STK17A: variants seen among roughly 807,000 people sequenced by gnomAD.
The protein encoded by STK17A is serine/threonine kinase 17a.
Under a neutral mutation model 43.7 loss-of-function variants are expected in STK17A, and 26 were observed. The ratio of observed to expected loss-of-function variants is 0.60; its 90% confidence interval spans 0.44 to 0.83. STK17A has a LOEUF of 0.83. STK17A is among the 40% of genes least tolerant of loss of function. The pLI is 0.00. For synonymous variants in STK17A, 191 were observed against 182.5 expected, an observed-to-expected ratio of 1.05 and a Z score of -0.38; for missense variants, 476 against 511.6, an observed-to-expected ratio of 0.93 and a Z score of 0.67.
intron 1 of STK17A, among the ~76,000 whole-genome samples, chr7:43,595,125 C>T (rs2082505994): frequency 6.6e-6 from 1 of 152,094 alleles, no homozygotes; most frequent in South Asian, 2.1e-4. Flanking sequence ...AAATACATTT[C>T]TAGCTGACGC....
In STK17A at chr7:43,595,905, A is replaced by G; in HGVS notation, c.211A>G (p.Lys71Glu). The change falls in exon 2 of 7, where the codon AAA (lysine) becomes GAA (glutamate). Residue 71 changes from lysine to glutamate, a missense_variant. Around this residue, in one of 3 missense-constraint regions of STK17A, gnomAD observed 320 missense variants for 326.3 expected, o/e 0.98. Coordinates refer to ENST00000319357, the MANE Select transcript of STK17A (RefSeq NM_004760.3). ...AATGTTTTTGTTTAATTCTAGGGGG[A>G]AATTTGCAGTGGTGAGAAAATGTAT... Reference protein sequence around the residue: ...LCPGRELGRGKFAVVRKCIKK... With the variant: ...LCPGRELGRGEFAVVRKCIKK... 2 of 1,612,642 alleles carry G rather than the reference A, an allele frequency of 1.2e-6. No homozygotes were observed. Among genetic ancestry groups the G allele is most frequent in the Non-Finnish European group, 1.7e-6 (2 of 1,179,388 alleles).
At chr7:43,611,112 G>T (rs1036740229) in intron 3 of STK17A, among the ~76,000 whole-genome samples, 2 of 152,172 alleles carry the variant, frequency 1.3e-5, no homozygotes, top group African/African-American at 4.8e-5. Context: ...ATGAGACTCC[G>T]TCTCAAAACA....
intron 3 of STK17A, among the ~76,000 whole-genome samples, chr7:43,614,116 C>T (rs763624472): frequency 7.9e-4 from 121 of 152,284 alleles, no homozygotes; most frequent in Admixed American, 2.9e-3. Context: ...CACCCTAAGC[C>T]TTATTGAGCA....
At chr7:43,592,203 T>G (rs2082484486) in intron 1 of STK17A, among the ~76,000 whole-genome samples, 3 of 151,660 alleles carry the variant, frequency 2.0e-5, no homozygotes, top group Non-Finnish European at 3.0e-5. Flanking sequence ...GGGAACCTTT[T>G]AAAACTTGAT....
intron 3 of STK17A, among the ~76,000 whole-genome samples, chr7:43,617,234 A>G (rs2083440035): frequency 6.6e-6 from 1 of 152,286 alleles, no homozygotes; most frequent in Middle Eastern, 3.4e-3. Flanking sequence ...TTTGGAGGTT[A>G]CCTAAGAGCA....
intron 2 of STK17A, among the ~76,000 whole-genome samples, chr7:43,606,285 C>A (rs373711764): frequency 2.6e-5 from 4 of 152,134 alleles, no homozygotes; most frequent in Admixed American, 1.3e-4. Context: ...GGCCTCAGAG[C>A]AGGACAGAAA....
chr7:43,596,111 A>G lies in STK17A; in HGVS notation c.417A>G (p.Glu139=), dbSNP rs369399780. The G allele has an allele frequency of 2.5e-5, 40 of 1,606,406 alleles. No homozygotes were observed. In the African/African-American group the frequency reaches 4.8e-4, roughly 19 times the overall value. The change falls in exon 2 of 7, where the codon GAA becomes GAG. Residue 139 remains glutamate (E), a splice_region_variant and synonymous_variant. Transcript: ENST00000319357. ...CATCAGAAATGATCTTAGTTCTGGA[A>G]TAGTAAGTATTGTCTTTCTTAGATT... ...ETASEMILVL[E]YAAGGEIFDQ... is the part of the protein sequence containing the mutation.
At position 43,597,741 on chromosome 7, in the gene STK17A, T is replaced by C. The variant is rs188430224; in HGVS notation, c.419+1628T>C. Among the ~76,000 whole-genome samples, 12 of 152,192 alleles carry C rather than the reference T, an allele frequency of 7.9e-5. No homozygotes were observed. The East Asian group carries it at 2.3e-3, about 29-fold the overall frequency. The stretch of plus-strand genomic sequence containing the variant: ...TGAGCCCAGGAGTTGGAGACCACCC[T>C]GGGCAACATAGCGAAACCCTGTCTC... On this transcript the variant is annotated intron_variant, in intron 2 of 6. Transcript: ENST00000319357.
chr7:43,614,182 G>A (rs77007843), intron 3 of STK17A, among the ~76,000 whole-genome samples: 6,564 of 152,190 alleles, frequency 0.043, 412 homozygotes, highest in African/African-American at 0.15. Context: ...AGTGGTGATT[G>A]TTCAGTAAAC....
rs1024283891 is a variant in STK17A, at chr7:43,596,134, A to G, written c.419+21A>G. ...GAATAGTAAGTATTGTCTTTCTTAG[A>G]TTAAGTTTGTTTGGTAGTCTACACT... On this transcript the variant is annotated intron_variant, in intron 2 of 6. Transcript: ENST00000319357. The G allele has an allele frequency of 1.4e-5, 23 of 1,591,722 alleles. 1 individual carries two copies. The highest frequency in any genetic ancestry group is 1.8e-5 in the Non-Finnish European group (21 of 1,166,068).
intron 3 of STK17A, among the ~76,000 whole-genome samples, chr7:43,616,100 A>G (rs369245722): frequency 6.6e-6 from 1 of 152,224 alleles, no homozygotes; most frequent in East Asian, 1.9e-4. Context: ...TCATTAGGCA[A>G]TCAATAAATA....
chr7:43,584,662 G>GT (rs953233039), intron 1 of STK17A, among the ~76,000 whole-genome samples: 20 of 150,728 alleles, frequency 1.3e-4, no homozygotes, highest in Non-Finnish European at 2.5e-4. Context: ...TTTGGAAATA[G>GT]TTTTTTTTGG....
rs2084634572 is a variant in STK17A at position 43,627,071 on chromosome 7, T to C, written c.*2229T>C. On this transcript the variant is annotated 3_prime_UTR_variant, in exon 7 of 7. Coordinates refer to ENST00000319357, the MANE Select transcript of STK17A (RefSeq NM_004760.3). ...GTTCCTTTTTTTCTATCACCAAATT[T>C]ATAAAGGACTAAACAGTACTATTGA... Among the ~76,000 whole-genome samples, 1 of 152,234 alleles carries C rather than the reference T, an allele frequency of 6.6e-6. No homozygotes were observed. The highest frequency in any genetic ancestry group is 1.5e-5 in the Non-Finnish European group (1 of 68,040).
At chr7:43,617,274 G>A (rs570771319) in intron 3 of STK17A, among the ~76,000 whole-genome samples, 3 of 152,176 alleles carry the variant, frequency 2.0e-5, no homozygotes, top group African/African-American at 2.4e-5. Context: ...TTTAGGAAAG[G>A]GGACAACAGA....
chr7:43,587,154 G>GTTTTTTT (rs71011929), intron 1 of STK17A, among the ~76,000 whole-genome samples: 171 of 112,018 alleles, frequency 1.5e-3, no homozygotes, highest in Non-Finnish European at 1.7e-3. Context: ...ATTGTTTTTT[G>GTTTTTTT]TTTTTTTTTT....
chr7:43,596,189 A>G, intron 2 of STK17A, 76 bp downstream of exon 2: 1 of 1,362,702 alleles, frequency 7.3e-7, no homozygotes, highest in African/African-American at 1.4e-5. Flanking sequence ...CATCTGTGAT[A>G]ATGTTGCCAG....
intron 1 of STK17A, among the ~76,000 whole-genome samples, chr7:43,588,298 A>T (rs1456023145): frequency 6.6e-6 from 1 of 151,532 alleles, no homozygotes; most frequent in Non-Finnish European, 1.5e-5. Flanking sequence ...ACTGCCCTGT[A>T]TGGTAAAGTG....
chr7:43,623,967 TCTTG>T, intron 6 of STK17A, 79 bp downstream of exon 6: 3 of 1,057,986 alleles, frequency 2.8e-6, no homozygotes, highest in Non-Finnish European at 2.5e-6. Context: ...GACAGTTTTT[TCTTG>T]AATCTCCTCC....
intron 3 of STK17A, among the ~76,000 whole-genome samples, chr7:43,614,303 T>G (rs922979813): frequency 6.6e-6 from 1 of 152,226 alleles, no homozygotes; most frequent in Admixed American, 6.5e-5. Context: ...TCCACTGTTA[T>G]CACCTCTCTA....
Sources: gnomAD v4.1 joint callset for allele counts (sites outside exome capture counted in the v4.1 genomes callset) on GRCh38, gnomAD v4.1.1 for gene constraint, gnomAD v4.1.1 regional missense constraint, MANE v1.5 for transcripts, NCBI Gene and HGNC (gene_info 2026-07-23, HGNC 2026-07-21) for gene names.